The following MAD1L1 variants were observed in gnomAD, a reference collection of about 807,000 sequenced individuals.
MAD1L1 encodes mitotic arrest deficient 1 like 1, also known as mitotic spindle assembly checkpoint protein MAD1.
A neutral mutation model predicts 96.9 loss-of-function variants in MAD1L1; 95 were observed. The ratio of observed to expected loss-of-function variants is 0.98; its 90% CI spans 0.83 to 1.16. The LOEUF (loss-of-function observed/expected upper bound fraction) is 1.16, where lower values mean the gene tolerates loss of function less well. Among genes scored for constraint, MAD1L1 ranks in the 50% most tolerant of loss-of-function variants. The pLI is 0.00. For missense variants in MAD1L1, 1,007 were observed against 954.4 expected, an observed-to-expected ratio of 1.06 and a Z score of -0.73; for synonymous variants, 473 against 396.6, an observed-to-expected ratio of 1.19 and a Z score of -2.29.
intron 12 of MAD1L1, among the ~76,000 whole-genome samples, chr7:2,043,630 C>T (rs950184849): frequency 2.0e-5 from 3 of 152,164 alleles, no homozygotes; most frequent in Non-Finnish European, 2.9e-5. Flanking sequence ...AGTGGAGGCA[C>T]GCGGAGGGCC....
chr7:2,096,356 G>A lies in MAD1L1; in HGVS notation c.1074-27018C>T, dbSNP rs1315953305. On this transcript the variant is annotated intron_variant, in intron 11 of 18. Coordinates refer to ENST00000265854, the MANE Select transcript of MAD1L1 (RefSeq NM_001013836.2). ...TGACCCTCTGCGCCTGCACACATCT[G>A]GGGGTGGCGGGGCTCATGCCTGCAA... Among the ~76,000 whole-genome samples, 4 of 152,316 alleles carry A rather than the reference G, an allele frequency of 2.6e-5. No homozygotes were observed. The South Asian group carries it at 6.2e-4, about 24-fold the overall frequency.
intron 10 of MAD1L1, among the ~76,000 whole-genome samples, chr7:2,202,444 G>T (rs923595488): frequency 6.6e-6 from 1 of 152,178 alleles, no homozygotes; most frequent in Non-Finnish European, 1.5e-5. Flanking sequence ...CACCACAGAC[G>T]CACAGGCCTG....
At chr7:1,867,769 T>C (rs1784849130) in intron 18 of MAD1L1, among the ~76,000 whole-genome samples, 1 of 152,172 alleles carries the variant, frequency 6.6e-6, no homozygotes, top group Admixed American at 6.5e-5. Context: ...AGTCCCTCAT[T>C]GGAGGGACTG....
At chr7:1,956,890 G>A (rs1372061871) in intron 16 of MAD1L1, among the ~76,000 whole-genome samples, 2 of 152,242 alleles carry the variant, frequency 1.3e-5, no homozygotes, top group African/African-American at 4.8e-5. Flanking sequence ...CTGGAGCAGG[G>A]AAGCCGTAAG....
intron 13 of MAD1L1, among the ~76,000 whole-genome samples, chr7:2,009,296 A>G (rs1026162002): frequency 2.6e-5 from 4 of 152,342 alleles, no homozygotes; most frequent in Middle Eastern, 3.4e-3. Flanking sequence ...TAGGACAGGC[A>G]GCCACAGACC....
intron 11 of MAD1L1, among the ~76,000 whole-genome samples, chr7:2,078,024 T>C (rs1361455555): frequency 6.6e-6 from 1 of 152,114 alleles, no homozygotes; most frequent in Non-Finnish European, 1.5e-5. Flanking sequence ...TGTTCAGGCA[T>C]CCACATTCGC....
intron 12 of MAD1L1, among the ~76,000 whole-genome samples, chr7:2,053,544 G>A (rs1389094601): frequency 3.3e-5 from 5 of 152,228 alleles, no homozygotes; most frequent in Non-Finnish European, 5.9e-5. Flanking sequence ...GCTGTGTGAA[G>A]GCCCCAAGGC....
At chr7:2,159,018 A>G (rs1789973102) in intron 10 of MAD1L1, among the ~76,000 whole-genome samples, 1 of 152,064 alleles carries the variant, frequency 6.6e-6, no homozygotes, top group South Asian at 2.1e-4. Flanking sequence ...CCCTGGCCAC[A>G]TGGCAGACGA....
intron 18 of MAD1L1, among the ~76,000 whole-genome samples, chr7:1,824,198 T>G (rs1389545642): frequency 6.6e-6 from 1 of 152,142 alleles, no homozygotes; most frequent in African/African-American, 2.4e-5. Flanking sequence ...ACTTGAGCAC[T>G]GCCGGCCCCA....
At chr7:1,980,083 A>C (rs1358766377) in intron 15 of MAD1L1, among the ~76,000 whole-genome samples, 2 of 152,316 alleles carry the variant, frequency 1.3e-5, no homozygotes, top group East Asian at 3.9e-4. Context: ...CCCACGGGGG[A>C]GCACACAGAG....
intron 13 of MAD1L1, among the ~76,000 whole-genome samples, chr7:2,002,427 G>T (rs1401860810): frequency 1.3e-5 from 2 of 152,236 alleles, no homozygotes; most frequent in Non-Finnish European, 2.9e-5. Flanking sequence ...GGGTGGACAG[G>T]GGTGGGCCCA....
At chr7:2,112,714 C>A (rs181598821) in intron 11 of MAD1L1, among the ~76,000 whole-genome samples, 8 of 151,672 alleles carry the variant, frequency 5.3e-5, no homozygotes, top group African/African-American at 1.9e-4. Flanking sequence ...CTGACACACC[C>A]GGAGCAGGCA....
intron 11 of MAD1L1, among the ~76,000 whole-genome samples, chr7:2,082,536 C>T (rs987409404): frequency 2.0e-5 from 3 of 152,134 alleles, no homozygotes; most frequent in South Asian, 2.1e-4. Flanking sequence ...TGGCCGGCGT[C>T]GCCGGGTCTG....
In MAD1L1 at chr7:2,069,245, G is replaced by T. The variant is rs1442019152; in HGVS notation, c.1167C>A (p.Thr389=). The T allele has an allele frequency of 1.2e-6, 2 of 1,611,610 alleles. No individual in the cohort carries two copies. The highest frequency in any genetic ancestry group is 2.2e-5 in the South Asian group (2 of 90,810). Residue 389 remains threonine, a synonymous_variant, in exon 12 of 19, where the codon ACC becomes ACA. Coordinates refer to ENST00000265854, the MANE Select transcript of MAD1L1 (RefSeq NM_001013836.2). ...GGAGCCTCCGGGCCAGCGCCTCGTG[G>T]GTCTCGCGCTTCTTCCTCTCCTCCA... ...QLLEERKKRE[T]HEALARRLQK...
At chr7:1,843,536 C>T (rs1331988798) in intron 18 of MAD1L1, among the ~76,000 whole-genome samples, 1 of 152,202 alleles carries the variant, frequency 6.6e-6, no homozygotes, top group Non-Finnish European at 1.5e-5. Context: ...TCCTGAAGTG[C>T]AATTGGTTAG....
intron 10 of MAD1L1, among the ~76,000 whole-genome samples, chr7:2,179,353 C>T (rs538844550): frequency 6.4e-4 from 97 of 151,998 alleles, no homozygotes; most frequent in African/African-American, 2.3e-3. Flanking sequence ...CATGGTAAAA[C>T]CCCGTCTCTA....
intron 17 of MAD1L1, among the ~76,000 whole-genome samples, chr7:1,903,550 A>G (rs1302465333): frequency 1.8e-3 from 181 of 100,432 alleles, no homozygotes; most frequent in Middle Eastern, 0.017. Context: ...ACGCTCTTGC[A>G]GAATTCATGA....
At chr7:1,975,895 C>G (rs1402757836) in intron 15 of MAD1L1, among the ~76,000 whole-genome samples, 1 of 152,188 alleles carries the variant, frequency 6.6e-6, no homozygotes, top group Non-Finnish European at 1.5e-5. Flanking sequence ...ATAGGCAAGC[C>G]TCTGGAATTA....
rs1003608808 is a variant in MAD1L1, at chr7:2,103,975, C to A, written c.1074-34637G>T. Among the ~76,000 whole-genome samples, 5 of 152,206 alleles carry A rather than the reference C, an allele frequency of 3.3e-5. No homozygotes were observed. Among genetic ancestry groups the A allele is most frequent in the Admixed American group, 6.5e-5 (1 of 15,286 alleles). ...CATGGCAGAGAATCAAATATGCAGC[C>A]GGTGTCTGGAAATCATTCAATGAAG... On this transcript the variant is annotated intron_variant, in intron 11 of 18. Coordinates refer to ENST00000265854, the MANE Select transcript of MAD1L1 (RefSeq NM_001013836.2). The surrounding 1 kb of genome is among the most constrained non-coding windows in gnomAD (Gnocchi z 4.3).
Sources: allele counts gnomAD v4.1 joint callset (sites outside exome capture counted in the v4.1 genomes callset), GRCh38; gene constraint gnomAD v4.1.1; non-coding constraint Gnocchi (gnomAD v3.1); transcripts MANE v1.5; gene names NCBI Gene and HGNC (gene_info 2026-07-23, HGNC 2026-07-21).